The following SCTR variants were observed in gnomAD, a reference collection of about 807,000 sequenced individuals.
SCTR encodes the protein pancreatic secretin receptor.
In SCTR, 56 loss-of-function variants were observed where a neutral mutation model predicts 60.8. The observed-to-expected ratio is 0.92, with a 90% CI of 0.74 to 1.15. The LOEUF (loss-of-function observed/expected upper bound fraction) is 1.15, where lower values mean the gene tolerates loss of function less well. Among genes scored for constraint, SCTR ranks in the 50% most tolerant of loss-of-function variants. SCTR has a pLI of 0.00. For synonymous variants in SCTR, 202 were observed against 217.0 expected (o/e 0.93, Z 0.61); for missense variants, 562 against 550.4 (o/e 1.02, Z -0.21).
chr2:119,509,664 A>C (rs1678870022), intron 1 of SCTR, among the ~76,000 whole-genome samples: 1 of 152,200 alleles, frequency 6.6e-6, no homozygotes, highest in African/African-American at 2.4e-5. Context: ...TAAAATATAC[A>C]TAACATAAAA....
chr2:119,444,140 T>C (rs539261419), intron 11 of SCTR, among the ~76,000 whole-genome samples: 14 of 147,154 alleles, frequency 9.5e-5, no homozygotes, highest in Non-Finnish European at 1.9e-4. Flanking sequence ...TAAGAATATA[T>C]ATACATATTC....
chr2:119,461,784 G>A (rs962885388), intron 7 of SCTR, 63 bp downstream of exon 7: 32 of 1,317,020 alleles, frequency 2.4e-5, no homozygotes, highest in South Asian at 1.1e-4. Context: ...CGAACCCTCC[G>A]ACTCTCGACT....
intron 3 of SCTR, among the ~76,000 whole-genome samples, chr2:119,474,517 G>A (rs979916080): frequency 3.3e-5 from 5 of 152,294 alleles, no homozygotes; most frequent in Admixed American, 1.3e-4. Context: ...AGCTCAGGCC[G>A]GTGTAAGTGT....
intron 2 of SCTR, chr2:119,487,370 C>G (rs1677914193): frequency 6.6e-6 from 1 of 152,260 alleles, no homozygotes. Context: ...GACCCATGCT[C>G]TGTGGAGTGG....
chr2:119,476,348 C>T (rs1033360356), intron 3 of SCTR: 1 of 152,240 alleles, frequency 6.6e-6, no homozygotes, highest in Admixed American at 6.5e-5. Flanking sequence ...GTGGCCCCCA[C>T]CACCCTGGAG....
intron 3 of SCTR, chr2:119,476,673 A>T (rs1017782424): frequency 6.6e-6 from 1 of 152,250 alleles, no homozygotes; most frequent in African/African-American, 2.4e-5. Flanking sequence ...TCCCCTCTGC[A>T]GGGCAGAAGG....
At chr2:119,462,725 A>G (rs1683664323) in intron 6 of SCTR, among the ~76,000 whole-genome samples, 1 of 152,042 alleles carries the variant, frequency 6.6e-6, no homozygotes, top group African/African-American at 2.4e-5. Flanking sequence ...TGGGGATGGG[A>G]CAGCTCCCGG....
intron 1 of SCTR, among the ~76,000 whole-genome samples, chr2:119,518,907 A>G (rs1198813245): frequency 6.6e-6 from 1 of 152,118 alleles, no homozygotes; most frequent in African/African-American, 2.4e-5. Flanking sequence ...GATCATGAGG[A>G]CAGGGTGAGG....
At chr2:119,517,364 T>A (rs2104953485) in intron 1 of SCTR, among the ~76,000 whole-genome samples, 1 of 152,310 alleles carries the variant, frequency 6.6e-6, no homozygotes, top group Admixed American at 6.5e-5. Flanking sequence ...TCTCCTATGT[T>A]GCCCAGGCTG....
chr2:119,467,616 C>G (rs944291028), intron 4 of SCTR, among the ~76,000 whole-genome samples: 17 of 152,124 alleles, frequency 1.1e-4, no homozygotes, highest in African/African-American at 4.1e-4. Flanking sequence ...TCCCTTCTAC[C>G]TTCAGGAATT....
rs140685769 is a variant in SCTR at position 119,462,003 on chromosome 2, GGAGA to G, written c.637-7_637-4del. 5.3e-5 allele frequency: 85 copies of G among 1,596,342 alleles called. No individual in the cohort carries two copies. The highest frequency in any genetic ancestry group is 6.7e-5 in the Non-Finnish European group (79 of 1,170,692). On this transcript the variant is annotated splice_polypyrimidine_tract_variant and splice_region_variant and intron_variant, in intron 6 of 12. Transcript: ENST00000019103. ...ACCATGACCAGCTTGCAGCCCGCCT[GGAGA>G]GAGAGAGGCAGCTGAACCCAGGCCG...
At chr2:119,470,005 G>A (rs1165075827) in intron 4 of SCTR, among the ~76,000 whole-genome samples, 1 of 152,190 alleles carries the variant, frequency 6.6e-6, no homozygotes, top group Non-Finnish European at 1.5e-5. Context: ...AGTGCCCTGT[G>A]GTCTCTTTTG....
intron 2 of SCTR, chr2:119,484,790 T>C (rs1386370455): frequency 6.6e-6 from 1 of 152,006 alleles, no homozygotes; most frequent in African/African-American, 2.4e-5. Flanking sequence ...GATGAAGAGG[T>C]ATGCTGGGAT....
intron 3 of SCTR, among the ~76,000 whole-genome samples, chr2:119,478,143 C>A (rs1184130405): frequency 6.6e-6 from 1 of 152,228 alleles, no homozygotes; most frequent in Non-Finnish European, 1.5e-5. Context: ...GAAAGAGGGG[C>A]AGCTGCACAG....
In SCTR at chr2:119,441,604, CAGA is replaced by C. The variant is rs1173418528; in HGVS notation, c.1141-8_1141-6del. ...GAGGACGGCCACCACCAGTCCCTGCCAGAAGAAGAGAGGTAGCAGGGTTAGCAC... is the reference window on the plus strand; with the variant it reads ...GAGGACGGCCACCACCAGTCCCTGCCAGAAGAGAGGTAGCAGGGTTAGCAC... On this transcript the variant is annotated splice_polypyrimidine_tract_variant and splice_region_variant and intron_variant, in intron 11 of 12. Coordinates refer to ENST00000019103, the MANE Select transcript of SCTR (RefSeq NM_002980.3). 5.6e-6 allele frequency: 9 copies of C among 1,612,764 alleles called. No homozygotes were observed. The highest frequency in any genetic ancestry group is 7.6e-6 in the Non-Finnish European group (9 of 1,179,444).
At position 119,453,436 on chromosome 2, in the gene SCTR, C is replaced by T. The variant is rs938126720; in HGVS notation, c.791-89G>A. ...GAACAGGACAATTGGTTACCCCAGC[C>T]CAGCTACTGAGCAGGTGCCAAGATT... On this transcript the variant is annotated intron_variant, in intron 7 of 12. Coordinates refer to ENST00000019103, the MANE Select transcript of SCTR (RefSeq NM_002980.3). 14 of 1,007,434 alleles carry T rather than the reference C, an allele frequency of 1.4e-5. No individual in the cohort carries two copies. The African/African-American group carries it at 2.2e-4, about 16-fold the overall frequency. The allele number at this position is 1,007,434 out of a possible 1,614,324, so 62.4% of individuals were successfully genotyped here.
chr2:119,502,891 C>T (rs994891830), intron 1 of SCTR, among the ~76,000 whole-genome samples: 3 of 151,160 alleles, frequency 2.0e-5, no homozygotes, highest in African/African-American at 7.3e-5. Flanking sequence ...ACCTGTAATC[C>T]CAGCACTTTC....
intron 3 of SCTR, among the ~76,000 whole-genome samples, chr2:119,475,088 C>T (rs767159342): frequency 3.9e-5 from 6 of 152,294 alleles, no homozygotes; most frequent in Admixed American, 3.3e-4. Context: ...GAGCGGGCAC[C>T]GAGGCATCAC....
intron 3 of SCTR, among the ~76,000 whole-genome samples, chr2:119,477,981 A>T (rs952085074): frequency 6.6e-6 from 1 of 152,232 alleles, no homozygotes; most frequent in Non-Finnish European, 1.5e-5. Flanking sequence ...CAGCAGAATT[A>T]TGGTGAGAAG....
Sources: gnomAD v4.1 joint callset for allele counts (sites outside exome capture counted in the v4.1 genomes callset) on GRCh38, gnomAD v4.1.1 for gene constraint, MANE v1.5 for transcripts, NCBI Gene and HGNC (gene_info 2026-07-23, HGNC 2026-07-21) for gene names.